The following GCGR variants were observed in gnomAD, a reference collection of about 807,000 sequenced individuals.
GCGR encodes glucagon receptor.
In GCGR, 41 loss-of-function variants were observed where a neutral mutation model predicts 56.1. The ratio of observed to expected loss-of-function variants is 0.73; its 90% confidence interval spans 0.57 to 0.95. GCGR has a LOEUF of 0.95. Ranked by LOEUF, GCGR falls within the 40% of genes least tolerant of loss-of-function variation. The pLI is 0.00. For synonymous variants in GCGR, 278 were observed against 271.1 expected, an observed-to-expected ratio of 1.03 and a Z score of -0.25; for missense variants, 595 against 638.2, an observed-to-expected ratio of 0.93 and a Z score of 0.73.
In GCGR at chr17:81,812,397, C is replaced by G; in HGVS notation, c.948+145C>G. 9.3e-7 allele frequency: 1 copy of G among 1,069,792 alleles called. No individual in the cohort carries two copies. 66.3% of individuals were successfully genotyped at this position (1,069,792 alleles called of 1,614,324 possible). A position where few individuals can be genotyped will look rare whatever the true frequency, so the allele number is the denominator to read the frequency against. On this transcript the variant is annotated intron_variant, in intron 10 of 13. Coordinates refer to ENST00000400723, the MANE Select transcript of GCGR (RefSeq NM_000160.5). This position sits in a 1 kb window ranked among gnomAD's most constrained non-coding sequence, Gnocchi z 8.5. ...AGGACACCAGGACACTGGCCAGCAC[C>G]CTGGACACTGAGCCAGGCTGTTCCT...
At position 81,804,409 on chromosome 17, in the gene GCGR, C is replaced by T. The variant is rs1157403886; in HGVS notation, c.-178+160C>T. 6.6e-6 allele frequency among the ~76,000 whole-genome samples: 1 copy of T among 151,754 alleles called. No homozygotes were observed. Among genetic ancestry groups the T allele is most frequent in the Non-Finnish European group, 1.5e-5 (1 of 67,874 alleles). On this transcript the variant is annotated intron_variant, in intron 1 of 13. Coordinates refer to ENST00000400723, the MANE Select transcript of GCGR (RefSeq NM_000160.5). This position sits in a 1 kb window ranked among gnomAD's most constrained non-coding sequence, Gnocchi z 8.2. ...TGGTGCGCTCCTCAGTCCCGTCAGA[C>T]ACCCCCGTTCCCAACCCCGGCTCGG...
chr17:81,804,186 GC>G lies in GCGR; in HGVS notation c.-238del, dbSNP rs2037893305. ...GCCGCGAAGACGAGCGGTCACCGGC[GC>G]CCGACCCGAGCGCGCCCAGAGGACG... On this transcript the variant is annotated 5_prime_UTR_variant, in exon 1 of 14. Coordinates refer to ENST00000400723, the MANE Select transcript of GCGR (RefSeq NM_000160.5). The surrounding 1 kb of genome is among the most constrained non-coding windows in gnomAD (Gnocchi z 8.2). 6.6e-6 allele frequency: 1 copy of G among 151,308 alleles called. No homozygotes were observed. The highest frequency in any genetic ancestry group is 1.5e-5 in the Non-Finnish European group (1 of 67,738). 9.4% of individuals were successfully genotyped at this position (151,308 alleles called of 1,614,324 possible). A position where few individuals can be genotyped will look rare whatever the true frequency, so the allele number is the denominator to read the frequency against.
At chr17:81,805,205 C>T (rs1271463063) in intron 1 of GCGR, 1 of 152,340 alleles carries the variant, frequency 6.6e-6, no homozygotes, top group Non-Finnish European at 1.5e-5. Context: ...CCAGTGGCCG[C>T]TCCACCCATC....
rs1000679558 is a variant in GCGR, at chr17:81,812,336, T to C, written c.948+84T>C. ...GCTGCCCCAGGAGACAGCAGCATCC[T>C]GTCTGAGAGCGCTGGGAGGGAGCCG... On this transcript the variant is annotated intron_variant, in intron 10 of 13. Transcript: ENST00000400723. This position sits in a 1 kb window ranked among gnomAD's most constrained non-coding sequence, Gnocchi z 8.5. The C allele has an allele frequency of 6.9e-7, 1 of 1,454,058 alleles. No homozygotes were observed. Among genetic ancestry groups the C allele is most frequent in the Non-Finnish European group, 9.3e-7 (1 of 1,075,044 alleles). The allele number at this position is 1,454,058 out of a possible 1,614,324, so 90.1% of individuals were successfully genotyped here.
chr17:81,812,939 C>T lies in GCGR; in HGVS notation c.1170C>T (p.Ser390=), dbSNP rs1295432844. 1 of 1,535,832 alleles carries T rather than the reference C, an allele frequency of 6.5e-7. No individual in the cohort carries two copies. The highest frequency in any genetic ancestry group is 8.7e-7 in the Non-Finnish European group (1 of 1,146,562). The change falls in exon 12 of 14, where the codon TCC becomes TCT. Residue 390 remains serine (S), a synonymous_variant. Transcript: ENST00000400723. The surrounding 1 kb of genome is among the most constrained non-coding windows in gnomAD (Gnocchi z 8.5). The part of the protein sequence containing the change: ...AKLFFDLFLS[S]FQGLLVAVLY... ...TCTTCTTCGACCTCTTCCTCAGCTC[C>T]TTCCAGGTGCCCGCCCGCCCGCCGG... is the stretch of plus-strand genomic sequence containing the variant.
chr17:81,811,071 G>A lies in GCGR; in HGVS notation c.333G>A (p.Arg111=), dbSNP rs1200278522. 6.5e-7 allele frequency: 1 copy of A among 1,536,190 alleles called. No individual in the cohort carries two copies. Among genetic ancestry groups the A allele is most frequent in the East Asian group, 2.4e-5 (1 of 40,902 alleles). The change falls in exon 5 of 14, where the codon CGG becomes CGA. Residue 111 remains arginine, a synonymous_variant. Coordinates refer to ENST00000400723, the MANE Select transcript of GCGR (RefSeq NM_000160.5). The surrounding 1 kb of genome is among the most constrained non-coding windows in gnomAD (Gnocchi z 5.8). ...ACGGTCAGTGGGTGCGTGGACCCCG[G>A]GGGCAGCCTTGGCGTGATGCCTCCC... ...GPDGQWVRGP[R]GQPWRDASQC...
rs566247762 is a variant in GCGR, at chr17:81,812,292, C to A, written c.948+40C>A. The A allele has an allele frequency of 6.5e-7, 1 of 1,532,066 alleles. No individual in the cohort carries two copies. The highest frequency in any genetic ancestry group is 8.7e-7 in the Non-Finnish European group (1 of 1,144,546). 94.9% of individuals were successfully genotyped at this position (1,532,066 alleles called of 1,614,324 possible). A position where few individuals can be genotyped will look rare whatever the true frequency, so the allele number is the denominator to read the frequency against. On this transcript the variant is annotated intron_variant, in intron 10 of 13. Transcript: ENST00000400723. The surrounding 1 kb of genome is among the most constrained non-coding windows in gnomAD (Gnocchi z 8.5). ...AGCCAGGAGCGCACCCCAGGCCCCT[C>A]CTCCCTTGGCGTCCTGAGGCTGCCC...
rs1310508165 is a variant in GCGR, at chr17:81,812,565, C to T, written c.949-12C>T. On this transcript the variant is annotated splice_polypyrimidine_tract_variant and intron_variant, in intron 10 of 13. Coordinates refer to ENST00000400723, the MANE Select transcript of GCGR (RefSeq NM_000160.5). The surrounding 1 kb of genome is among the most constrained non-coding windows in gnomAD (Gnocchi z 8.5). The stretch of plus-strand genomic sequence containing the variant: ...GCTCGGGATGCCCCTGACTCGCACC[C>T]TTCTCACACAGATCAACTTCTTCAT... 6.5e-7 allele frequency: 1 copy of T among 1,536,102 alleles called. No homozygotes were observed. The highest frequency in any genetic ancestry group is 8.7e-7 in the Non-Finnish European group (1 of 1,146,510).
chr17:81,809,428 C>T (rs1474333857), intron 2 of GCGR, among the ~76,000 whole-genome samples: 216 of 103,072 alleles, frequency 2.1e-3, no homozygotes, highest in African/African-American at 7.2e-3. Context: ...CCTGCCTGTC[C>T]GTCTGCCTGT....
In GCGR at chr17:81,811,224, G is replaced by A. The variant is rs536878804; in HGVS notation, c.396G>A (p.Lys132=). Residue 132 remains lysine (K), a splice_region_variant and synonymous_variant, in exon 6 of 14, where the codon AAG becomes AAA. Transcript: ENST00000400723. The surrounding 1 kb of genome is among the most constrained non-coding windows in gnomAD (Gnocchi z 5.8). ...QMDGEEIEVQ[K]EVAKMYSSFQ... is the part of the protein sequence containing the mutation. Reference sequence around the variant, plus strand: ...TCACAGGCCACTGTAACTCGCAGAAGGAGGTGGCCAAGATGTACAGCAGCT... The same window carrying A: ...TCACAGGCCACTGTAACTCGCAGAAAGAGGTGGCCAAGATGTACAGCAGCT... 21 of 1,536,346 alleles carry A rather than the reference G, an allele frequency of 1.4e-5. No homozygotes were observed. Among genetic ancestry groups the A allele is most frequent in the Admixed American group, 7.8e-5 (4 of 51,008 alleles).
rs1598231870 is a variant in GCGR, at chr17:81,806,242, G to A, written c.-178+1993G>A. On this transcript the variant is annotated intron_variant, in intron 1 of 13. Coordinates refer to ENST00000400723, the MANE Select transcript of GCGR (RefSeq NM_000160.5). This position sits in a 1 kb window ranked among gnomAD's most constrained non-coding sequence, Gnocchi z 6.5. Reference sequence around the variant, plus strand: ...CCACCACCCGCAGGGAACGGAGGACGCTCACACTTCTGCACCTCCTGCCTC... The same window carrying A: ...CCACCACCCGCAGGGAACGGAGGACACTCACACTTCTGCACCTCCTGCCTC... Among the ~76,000 whole-genome samples, 2 of 152,036 alleles carry A rather than the reference G, an allele frequency of 1.3e-5. No homozygotes were observed. Among genetic ancestry groups the A allele is most frequent in the South Asian group, 2.1e-4 (1 of 4,810 alleles).
chr17:81,809,335 TCTGCCTGCCTGTCTGTCGGCCTGC>T (rs1182600200), intron 2 of GCGR, among the ~76,000 whole-genome samples: 1 of 142,226 alleles, frequency 7.0e-6, no homozygotes, highest in African/African-American at 2.7e-5. Flanking sequence ...TGCCTATCCA[TCTGCCTGCCTGTCTGTCGGCCTGC>T]CTGCCTGCCT....
At chr17:81,807,425 G>A (rs1476720957) in intron 1 of GCGR, among the ~76,000 whole-genome samples, 4 of 152,230 alleles carry the variant, frequency 2.6e-5, no homozygotes, top group Non-Finnish European at 5.9e-5. Flanking sequence ...GGCCCCGTTA[G>A]CGGGGCAGCC....
At position 81,812,749 on chromosome 17, in the gene GCGR, C is replaced by A. The variant is rs186436210; in HGVS notation, c.1038-58C>A. 1 of 1,515,470 alleles carries A rather than the reference C, an allele frequency of 6.6e-7. No homozygotes were observed. The allele number at this position is 1,515,470 out of a possible 1,614,324, so 93.9% of individuals were successfully genotyped here. A position where few individuals can be genotyped will look rare whatever the true frequency, so the allele number is the denominator to read the frequency against. On this transcript the variant is annotated intron_variant, in intron 11 of 13. Coordinates refer to ENST00000400723, the MANE Select transcript of GCGR (RefSeq NM_000160.5). The surrounding 1 kb of genome is among the most constrained non-coding windows in gnomAD (Gnocchi z 8.5). ...CTGGGGGTGGGGACTCCAAGCTCCA[C>A]GTGGATGGTGCGGGCCGAGGGTGGG...
Position 81,809,147 on chromosome 17 carries a change from T to TCTGC in GCGR, c.60+89_60+92dup, listed in dbSNP as rs372083352. The TCTGC allele has an allele frequency of 6.3e-4, 663 of 1,044,412 alleles. 1 individual carries two copies. The African/African-American group carries it at 0.01, about 16-fold the overall frequency. The allele number at this position is 1,044,412 out of a possible 1,614,324, so 64.7% of individuals were successfully genotyped here. On this transcript the variant is annotated intron_variant, in intron 2 of 13. Coordinates refer to ENST00000400723, the MANE Select transcript of GCGR (RefSeq NM_000160.5). ...AGGACTGCACACTGATGGCTCTCTG[T>TCTGC]CTGCCTGCCTGCCTGCCTGCCTGTC...
chr17:81,809,919 C>T, intron 3 of GCGR, 35 bp downstream of exon 3: 1 of 1,433,962 alleles, frequency 7.0e-7, no homozygotes, highest in Non-Finnish European at 9.5e-7. Context: ...CAGCCTGTGC[C>T]TGGCCTCAGC....
chr17:81,808,146 G>T (rs1210654086), intron 1 of GCGR, among the ~76,000 whole-genome samples: 1 of 152,226 alleles, frequency 6.6e-6, no homozygotes, highest in Non-Finnish European at 1.5e-5. Flanking sequence ...CCACACACTT[G>T]GCCTGGCACA....
chr17:81,813,434 G>C lies in GCGR; in HGVS notation c.1219-40G>C. 6.6e-7 allele frequency: 1 copy of C among 1,519,724 alleles called. No homozygotes were observed. Among genetic ancestry groups the C allele is most frequent in the African/African-American group, 1.4e-5 (1 of 72,660 alleles). The allele number at this position is 1,519,724 out of a possible 1,614,324, so 94.1% of individuals were successfully genotyped here. A position where few individuals can be genotyped will look rare whatever the true frequency, so the allele number is the denominator to read the frequency against. On this transcript the variant is annotated intron_variant, in intron 13 of 13. Coordinates refer to ENST00000400723, the MANE Select transcript of GCGR (RefSeq NM_000160.5). The surrounding 1 kb of genome is among the most constrained non-coding windows in gnomAD (Gnocchi z 5.3). ...AGGTCCCGGTGGGGTGGAGAGGACA[G>C]GCAGGCCCTAGGACTGGCCTGCCCC...
intron 1 of GCGR, among the ~76,000 whole-genome samples, chr17:81,807,337 G>A (rs1246812290): frequency 1.3e-5 from 2 of 152,246 alleles, no homozygotes; most frequent in East Asian, 1.9e-4. Flanking sequence ...CAAGGGCTGC[G>A]GTTGGGAGCT....
Sources: gnomAD v4.1 joint callset for allele counts (sites outside exome capture counted in the v4.1 genomes callset) on GRCh38, gnomAD v4.1.1 for gene constraint, Gnocchi (gnomAD v3.1) non-coding constraint, MANE v1.5 for transcripts, NCBI Gene and HGNC (gene_info 2026-07-23, HGNC 2026-07-21) for gene names.